ITGB6: variants seen among roughly 807,000 people sequenced by gnomAD.
ITGB6 encodes the protein integrin subunit beta 6.
In ITGB6, 80 loss-of-function variants were observed where a neutral mutation model predicts 84.5. That is an observed-to-expected ratio of 0.95 (90% CI 0.79 to 1.14). The LOEUF is 1.14. Ranked by LOEUF, ITGB6 falls within the 50% of genes most tolerant of loss-of-function variation. The pLI is 0.00. For synonymous variants in ITGB6, 383 were observed against 354.9 expected (o/e 1.08, Z -0.89); for missense variants, 1,006 against 968.0 (o/e 1.04, Z -0.52).
At chr2:160,195,648 A>G in intron 3 of ITGB6, 33 bp from the exon 4 acceptor site, 1 of 1,611,238 alleles carries the variant, frequency 6.2e-7, no homozygotes, top group Non-Finnish European at 8.5e-7. Flanking sequence ...CAAACCCAGG[A>G]AAACACACTG....
intron 4 of ITGB6, among the ~76,000 whole-genome samples, chr2:160,181,729 T>C (rs1310175139): frequency 6.6e-6 from 1 of 152,156 alleles, no homozygotes. Context: ...AGACACCTCA[T>C]ACAAGAGAGC....
intron 2 of ITGB6, among the ~76,000 whole-genome samples, chr2:160,198,272 CTG>C (rs1382174536): frequency 6.6e-6 from 1 of 152,156 alleles, no homozygotes; most frequent in African/African-American, 2.4e-5. Context: ...TGAGCTGTGT[CTG>C]TGCTCTCTTG....
chr2:160,169,631 C>T (rs745860810), intron 6 of ITGB6, among the ~76,000 whole-genome samples: 12 of 152,160 alleles, frequency 7.9e-5, no homozygotes. Context: ...GGTAGACAAA[C>T]ATTTCTTCTC....
At chr2:160,153,263 G>A (rs1484945629) in intron 7 of ITGB6, among the ~76,000 whole-genome samples, 1 of 152,156 alleles carries the variant, frequency 6.6e-6, no homozygotes, top group Non-Finnish European at 1.5e-5. Context: ...GAACTGAACA[G>A]AGGCCTCAGA....
intron 7 of ITGB6, among the ~76,000 whole-genome samples, chr2:160,147,775 G>GA (rs1056043121): frequency 9.9e-5 from 15 of 150,946 alleles, no homozygotes; most frequent in South Asian, 6.3e-4. Flanking sequence ...ACATTCACAT[G>GA]AAAAAAAAAT....
Position 160,112,122 on chromosome 2 carries a change from C to A in ITGB6, c.2059G>T (p.Asp687Tyr), listed in dbSNP as rs747659835. The A allele has an allele frequency of 6.2e-7, 1 of 1,612,964 alleles. No individual in the cohort carries two copies. Among genetic ancestry groups the A allele is most frequent in the South Asian group, 1.1e-5 (1 of 90,794 alleles). ...TGAATGATGGTTTTCCCCTCATTAT[C>A]TGTAGTTATTAGGAATGTAATAAGA... is the stretch of plus-strand genomic sequence containing the variant. ...ECLITFLITT[D>Y]NEGKTIIHSI... The change falls in exon 13 of 15, where the codon GAT (aspartate) becomes TAT (tyrosine). Residue 687 changes from aspartate to tyrosine, a missense_variant. Coordinates refer to ENST00000283249, the MANE Select transcript of ITGB6 (RefSeq NM_000888.5).
chr2:160,154,223 C>A (rs934229772), intron 7 of ITGB6, among the ~76,000 whole-genome samples: 1 of 152,124 alleles, frequency 6.6e-6, no homozygotes. Context: ...GAAAATGTGG[C>A]ACATATACAC....
chr2:160,106,065 G>A (rs1280486869), intron 14 of ITGB6, among the ~76,000 whole-genome samples: 1 of 152,072 alleles, frequency 6.6e-6, no homozygotes, highest in African/African-American at 2.4e-5. Context: ...TTATTTCAAA[G>A]TGAACCCCAG....
chr2:160,146,879 T>A lies in ITGB6; in HGVS notation c.1018-4808A>T. ...ACTTTGGGAGGCTGAGGTGGGTATA[T>A]CACTCAAGTCCAGGGGTTCGAGACC... On this transcript the variant is annotated intron_variant, in intron 7 of 14. Coordinates refer to ENST00000283249, the MANE Select transcript of ITGB6 (RefSeq NM_000888.5). Among the ~76,000 whole-genome samples, 3 of 152,030 alleles carry A rather than the reference T, an allele frequency of 2.0e-5. 1 individual carries two copies. The East Asian group carries it at 5.8e-4, about 29-fold the overall frequency.
chr2:160,107,471 C>A (rs1017235658), intron 14 of ITGB6, among the ~76,000 whole-genome samples: 1 of 152,088 alleles, frequency 6.6e-6, no homozygotes, highest in African/African-American at 2.4e-5. Context: ...AAATCCCCAC[C>A]GCACTAAGAC....
At chr2:160,187,616 T>C (rs1053497649) in intron 4 of ITGB6, among the ~76,000 whole-genome samples, 5 of 152,180 alleles carry the variant, frequency 3.3e-5, no homozygotes, top group Non-Finnish European at 7.3e-5. Flanking sequence ...CCAGTTGTCT[T>C]CCATTAAACC....
intron 14 of ITGB6, among the ~76,000 whole-genome samples, chr2:160,102,786 G>A (rs1046755510): frequency 4.7e-5 from 6 of 127,560 alleles, no homozygotes; most frequent in African/African-American, 1.2e-4. Flanking sequence ...TGATCACACA[G>A]GCTATGGCAA....
At chr2:160,129,073 G>A (rs926289770) in intron 10 of ITGB6, among the ~76,000 whole-genome samples, 6 of 152,090 alleles carry the variant, frequency 3.9e-5, no homozygotes, top group Non-Finnish European at 5.9e-5. Context: ...GATCCTTATA[G>A]AAGAGACTGA....
chr2:160,169,115 C>T (rs1685108043), intron 7 of ITGB6, 97 bp downstream of exon 7: 1 of 703,822 alleles, frequency 1.4e-6, no homozygotes, highest in Non-Finnish European at 2.4e-6. Flanking sequence ...TAATGATTAT[C>T]TAATGGCCTT....
chr2:160,188,843 A>G (rs369040143), intron 4 of ITGB6, among the ~76,000 whole-genome samples: 24 of 152,068 alleles, frequency 1.6e-4, no homozygotes, highest in African/African-American at 5.5e-4. Flanking sequence ...TGAACTCATG[A>G]TTCACCCACC....
chr2:160,185,325 A>G (rs1440090991), intron 4 of ITGB6, among the ~76,000 whole-genome samples: 1 of 152,192 alleles, frequency 6.6e-6, no homozygotes, highest in Non-Finnish European at 1.5e-5. Context: ...AAGCATTCCT[A>G]TACACCAATA....
chr2:160,141,664 TGGA>T (rs1684005201), intron 8 of ITGB6, among the ~76,000 whole-genome samples: 1 of 152,170 alleles, frequency 6.6e-6, no homozygotes, highest in African/African-American at 2.4e-5. Flanking sequence ...TTTTTTCAGA[TGGA>T]GGAGAGCTTA....
At chr2:160,178,505 T>G (rs2105876404) in intron 4 of ITGB6, among the ~76,000 whole-genome samples, 1 of 152,318 alleles carries the variant, frequency 6.6e-6, no homozygotes, top group East Asian at 1.9e-4. Context: ...ACTAGAACTC[T>G]GTGCCTTTGG....
intron 12 of ITGB6, among the ~76,000 whole-genome samples, chr2:160,117,146 G>C: frequency 1.3e-5 from 2 of 151,948 alleles, no homozygotes; most frequent in Non-Finnish European, 2.9e-5. Context: ...ATTGAACCCA[G>C]CTCTGCACCA....
Sources: allele counts gnomAD v4.1 joint callset (sites outside exome capture counted in the v4.1 genomes callset), GRCh38; gene constraint gnomAD v4.1.1; transcripts MANE v1.5; gene names NCBI Gene and HGNC (gene_info 2026-07-23, HGNC 2026-07-21).